Variants in CENPF observed in about 807,000 individuals in gnomAD.
CENPF encodes the protein centromere protein F.
A neutral mutation model predicts 307.3 loss-of-function variants in CENPF; 214 were observed. That is an observed-to-expected ratio of 0.70 (90% confidence interval 0.62 to 0.78). The LOEUF (loss-of-function observed/expected upper bound fraction) is 0.78, where lower values mean the gene tolerates loss of function less well. Among genes scored for constraint, CENPF ranks in the 30% least tolerant of loss-of-function variants. CENPF has a pLI of 0.00. For synonymous variants in CENPF, 1,259 were observed against 1,270.6 expected (o/e 0.99, Z 0.19); for missense variants, 3,401 against 3,483.9 (o/e 0.98, Z 0.60).
chr1:214,622,049 T>C, intron 6 of CENPF, 30 bp from the exon 7 acceptor site: 1 of 1,543,072 alleles, frequency 6.5e-7, no homozygotes, highest in South Asian at 1.1e-5. Flanking sequence ...TATATATGAA[T>C]TGGAGTGTGA....
rs1371486489 is a variant in CENPF at position 214,642,073 on chromosome 1, T to G, written c.3735T>G (p.Leu1245=). ...QHELQTIRGD[L]ETSNLQDMQS... is the part of the protein sequence containing the mutation. ...AATTACAGACAATTAGAGGAGATCT[T>G]GAAACCAGCAATTTGCAAGACATGC... Residue 1245 remains leucine (L), a synonymous_variant, in exon 12 of 20, where the codon CTT becomes CTG. Coordinates refer to ENST00000366955, the MANE Select transcript of CENPF (RefSeq NM_016343.4). The G allele has an allele frequency of 6.2e-7, 1 of 1,611,000 alleles. No homozygotes were observed. The highest frequency in any genetic ancestry group is 8.5e-7 in the Non-Finnish European group (1 of 1,179,130).
chr1:214,641,060 A>T lies in CENPF; in HGVS notation c.2722A>T (p.Asn908Tyr). ...TGCTGAAACCTTAAGTGCCCTTGAG[A>T]ACAAGGAAAAAGAGCTGCAACTTTT... ...VVAETLSALE[N>Y]KEKELQLLND... is the part of the protein sequence containing the mutation. The change falls in exon 12 of 20, where the codon AAC (asparagine) becomes TAC (tyrosine). Residue 908 changes from asparagine (N) to tyrosine (Y), a missense_variant. Transcript: ENST00000366955. 2 of 1,564,030 alleles carry T rather than the reference A, an allele frequency of 1.3e-6. No individual in the cohort carries two copies. The highest frequency in any genetic ancestry group is 1.7e-6 in the Non-Finnish European group (2 of 1,164,018).
chr1:214,648,337 G>C (rs10494984), intron 13 of CENPF: 21,718 of 393,866 alleles, frequency 0.055, 893 homozygotes, highest in East Asian at 0.12. Flanking sequence ...GATCCAAGAA[G>C]TGATAAGATA....
intron 1 of CENPF, among the ~76,000 whole-genome samples, chr1:214,609,312 G>A (rs2102525959): frequency 6.6e-6 from 1 of 152,216 alleles, no homozygotes; most frequent in East Asian, 1.9e-4. Context: ...GTACTAATAC[G>A]GCATTCACTC....
chr1:214,658,975 G>A lies in CENPF; in HGVS notation c.9088G>A (p.Glu3030Lys). ...GCTATCCCCACTGAGTCTCGGCAAAGAAAATCTTGCAGAGTCCTCCAAACC... is the reference window on the plus strand; with the variant it reads ...GCTATCCCCACTGAGTCTCGGCAAAAAAAATCTTGCAGAGTCCTCCAAACC... ...LALSPLSLGK[E>K]NLAESSKPTA... The change falls in exon 19 of 20, where the codon GAA (glutamate) becomes AAA (lysine). Residue 3030 changes from glutamate to lysine, a missense_variant. Coordinates refer to ENST00000366955, the MANE Select transcript of CENPF (RefSeq NM_016343.4). The A allele has an allele frequency of 6.2e-7, 1 of 1,614,122 alleles. No individual in the cohort carries two copies. The highest frequency in any genetic ancestry group is 8.5e-7 in the Non-Finnish European group (1 of 1,180,006).
rs1382705491 is a variant in CENPF, at chr1:214,658,914, T to G, written c.9027T>G (p.Thr3009=). Residue 3009 remains threonine (T), a synonymous_variant, in exon 19 of 20, where the codon ACT becomes ACG. Transcript: ENST00000366955. The part of the protein sequence containing the change: ...PYILRRTTMA[T]RTSPRLAAQK... The stretch of plus-strand genomic sequence containing the variant: ...TCCTGCGAAGAACAACCATGGCAAC[T>G]CGGACCAGCCCCCGCCTGGCTGCAC... 6.2e-7 allele frequency: 1 copy of G among 1,614,050 alleles called. No homozygotes were observed. The highest frequency in any genetic ancestry group is 8.5e-7 in the Non-Finnish European group (1 of 1,179,976).
rs1451048961 is a variant in CENPF at position 214,646,823 on chromosome 1, T to A, written c.7253T>A (p.Phe2418Tyr). 6.2e-7 allele frequency: 1 copy of A among 1,610,434 alleles called. No homozygotes were observed. ...GAATTAGAAATAATAAATTCATCATTTGAAAATATTTTGCAAGAAAAAGAG... is the reference window on the plus strand; with the variant it reads ...GAATTAGAAATAATAAATTCATCATATGAAAATATTTTGCAAGAAAAAGAG... ...ISELEIINSS[F>Y]ENILQEKEQE... is the part of the protein sequence containing the mutation. The change falls in exon 13 of 20, where the codon TTT becomes TAT. Residue 2418 changes from phenylalanine to tyrosine, a missense_variant. Transcript: ENST00000366955.
rs539869872 is a variant in CENPF, at chr1:214,625,189, G to C, written c.1068+2908G>C. Among the ~76,000 whole-genome samples, 9 of 151,916 alleles carry C rather than the reference G, an allele frequency of 5.9e-5. No homozygotes were observed. In the South Asian group the frequency reaches 1.7e-3, roughly 28 times the overall value. On this transcript the variant is annotated intron_variant, in intron 7 of 19. Transcript: ENST00000366955. The stretch of plus-strand genomic sequence containing the variant: ...TTTCGTGTAGACAACATATAATTGG[G>C]CCATGTTTTTCAATATACTCTTTCA...
At chr1:214,617,767 T>G (rs2102535066) in intron 3 of CENPF, among the ~76,000 whole-genome samples, 1 of 152,358 alleles carries the variant, frequency 6.6e-6, no homozygotes, top group African/African-American at 2.4e-5. Flanking sequence ...TCTCACGATT[T>G]GAGCCCATGC....
At position 214,645,573 on chromosome 1, in the gene CENPF, C is replaced by T; in HGVS notation, c.6003C>T (p.Cys2001=). 1 of 1,614,080 alleles carries T rather than the reference C, an allele frequency of 6.2e-7. No individual in the cohort carries two copies. The highest frequency in any genetic ancestry group is 8.5e-7 in the Non-Finnish European group (1 of 1,180,012). Residue 2001 remains cysteine (C), a synonymous_variant, in exon 13 of 20, where the codon TGC becomes TGT. Coordinates refer to ENST00000366955, the MANE Select transcript of CENPF (RefSeq NM_016343.4). The part of the protein sequence containing the change: ...LESHQSECLH[C]IQVAEAEVKE... ...CTCATCAAAGTGAGTGTCTCCATTG[C>T]ATTCAGGTGGCAGAGGCAGAGGTGA...
At position 214,663,704 on chromosome 1, in the gene CENPF, A is replaced by C; in HGVS notation, c.9255A>C (p.Arg3085Ser). 6.2e-7 allele frequency: 1 copy of C among 1,614,064 alleles called. No homozygotes were observed. Among genetic ancestry groups the C allele is most frequent in the South Asian group, 1.1e-5 (1 of 91,070 alleles). Residue 3085 changes from arginine (R) to serine (S), a missense_variant, in exon 20 of 20, where the codon AGA becomes AGC. By Grantham distance (110) the Arg-to-Ser change is moderately radical (BLOSUM62 -1). Transcript: ENST00000366955. ...LPERSPTDSP[R>S]EGLRVKRGRL... ...AGAGAAGTCCGACTGACAGCCCCAG[A>C]GAGGGCCTGAGGGTCAAGCGAGGCC...
Position 214,663,909 on chromosome 1 carries a change from C to A in CENPF, c.*115C>A. On this transcript the variant is annotated 3_prime_UTR_variant, in exon 20 of 20. Coordinates refer to ENST00000366955, the MANE Select transcript of CENPF (RefSeq NM_016343.4). ...CTTTATTAGTGAGGAGAAAACAATTCCTTAGAAGTCTTAAATATATTGTAC... is the reference window on the plus strand; with the variant it reads ...CTTTATTAGTGAGGAGAAAACAATTACTTAGAAGTCTTAAATATATTGTAC... 1 of 773,978 alleles carries A rather than the reference C, an allele frequency of 1.3e-6. No individual in the cohort carries two copies. Among genetic ancestry groups the A allele is most frequent in the Non-Finnish European group, 2.0e-6 (1 of 490,790 alleles). 47.9% of individuals were successfully genotyped at this position (773,978 alleles called of 1,614,324 possible). A position where few individuals can be genotyped will look rare whatever the true frequency, so the allele number is the denominator to read the frequency against.
intron 1 of CENPF, among the ~76,000 whole-genome samples, chr1:214,609,824 G>A (rs1657151969): frequency 6.6e-6 from 1 of 152,136 alleles, no homozygotes; most frequent in Non-Finnish European, 1.5e-5. Context: ...AGTTTGCTAA[G>A]GATAATGGCC....
At chr1:214,632,456 C>G in intron 9 of CENPF, 24 bp from the exon 10 acceptor site, 1 of 1,602,408 alleles carries the variant, frequency 6.2e-7, no homozygotes, top group Non-Finnish European at 8.5e-7. Context: ...GAAAATGAAA[C>G]TTGGTCTCTT....
In CENPF at chr1:214,653,004, A is replaced by G. The variant is rs765506563; in HGVS notation, c.8322+15A>G. 2.5e-6 allele frequency: 4 copies of G among 1,594,120 alleles called. No homozygotes were observed. The South Asian group carries it at 4.5e-5, about 18-fold the overall frequency. ...AGAAAACCAAGGTATGTTCACTTTAATTTGCTTCATGATTTCGAATGGTTT... is the reference window on the plus strand; with the variant it reads ...AGAAAACCAAGGTATGTTCACTTTAGTTTGCTTCATGATTTCGAATGGTTT... On this transcript the variant is annotated intron_variant, in intron 16 of 19. Transcript: ENST00000366955.
chr1:214,663,540 TG>T, intron 19 of CENPF, 50 bp from the exon 20 acceptor site: 1 of 1,555,788 alleles, frequency 6.4e-7, no homozygotes, highest in Non-Finnish European at 8.8e-7. Flanking sequence ...TTTTTCATGT[TG>T]TGGAAATGTG....
chr1:214,629,076 T>C lies in CENPF; in HGVS notation c.1099T>C (p.Leu367=), dbSNP rs756372832. The part of the protein sequence containing the change: ...YTALEQKLKK[L]TEDLSCQRQN... The stretch of plus-strand genomic sequence containing the variant: ...TGCATTGGAACAAAAACTGAAAAAA[T>C]TGACGGAAGATTTGAGTTGTCAGCG... Residue 367 remains leucine (L), a synonymous_variant, in exon 8 of 20, where the codon TTG becomes CTG. Coordinates refer to ENST00000366955, the MANE Select transcript of CENPF (RefSeq NM_016343.4). The C allele has an allele frequency of 6.2e-7, 1 of 1,610,626 alleles. No individual in the cohort carries two copies. The highest frequency in any genetic ancestry group is 8.5e-7 in the Non-Finnish European group (1 of 1,178,568).
At position 214,640,736 on chromosome 1, in the gene CENPF, A is replaced by G. The variant is rs144034954; in HGVS notation, c.2398A>G (p.Ile800Val). Residue 800 changes from isoleucine to valine, a missense_variant, in exon 12 of 20, where the codon ATA becomes GTA. By Grantham distance (29) the Ile-to-Val change is conservative (BLOSUM62 3). Transcript: ENST00000366955. ...QPAMHHSFAN[I>V]IGEQGSMPSE... ...TGCCATGCATCATTCCTTTGCAAAT[A>G]TAATTGGAGAACAAGGAAGCATGCC... 715 of 1,614,122 alleles carry G rather than the reference A, an allele frequency of 4.4e-4. 7 individuals are homozygous for G. In the African/African-American group the frequency reaches 5.6e-3, roughly 13 times the overall value.
intron 10 of CENPF, 44 bp from the exon 11 acceptor site, chr1:214,637,822 T>G: frequency 6.3e-7 from 1 of 1,582,034 alleles, no homozygotes. Flanking sequence ...ATAACTTACT[T>G]GAGCATTCGT....
Sources: allele counts gnomAD v4.1 joint callset (sites outside exome capture counted in the v4.1 genomes callset), GRCh38; gene constraint gnomAD v4.1.1; transcripts MANE v1.5; gene names NCBI Gene and HGNC (gene_info 2026-07-23, HGNC 2026-07-21).